Variants in ZNF44 observed in about 807,000 individuals in gnomAD.
The protein encoded by ZNF44 is zinc finger protein 44.
In ZNF44, 9 loss-of-function variants were observed where a neutral mutation model predicts 11.7. The observed-to-expected ratio is 0.77, with a 90% CI of 0.46 to 1.35. The LOEUF (loss-of-function observed/expected upper bound fraction) is 1.35. Among genes scored for constraint, ZNF44 ranks in the 40% most tolerant of loss-of-function variants. ZNF44 has a pLI of 0.00. For synonymous variants in ZNF44, 224 were observed against 242.7 expected (o/e 0.92, Z 0.72); for missense variants, 696 against 743.1 (o/e 0.94, Z 0.74).
chr19:12,250,869 G>T (rs1916963436), intron 5 of ZNF44: 1 of 453,858 alleles, frequency 2.2e-6, no homozygotes, highest in Non-Finnish European at 4.4e-6. Context: ...TGACCATATT[G>T]TCCTGAGGTA....
At chr19:12,255,660 C>A (rs1349983197) in intron 5 of ZNF44, among the ~76,000 whole-genome samples, 1 of 152,154 alleles carries the variant, frequency 6.6e-6, no homozygotes, top group Non-Finnish European at 1.5e-5. Context: ...ATGGGACTGG[C>A]ACATAGTGTG....
chr19:12,235,125 C>CCAA (rs1344090717), intron 1 of ZNF44, among the ~76,000 whole-genome samples: 1 of 152,102 alleles, frequency 6.6e-6, no homozygotes, highest in Non-Finnish European at 1.5e-5. Context: ...GCCTGTAATC[C>CCAA]CAACACTTTG....
intron 5 of ZNF44, among the ~76,000 whole-genome samples, chr19:12,251,466 C>A (rs1315470059): frequency 1.3e-5 from 2 of 151,938 alleles, no homozygotes; most frequent in African/African-American, 4.8e-5. Flanking sequence ...TTCTCTCCAC[C>A]CCAGAGAAGT....
downstream of ZNF44, chr19:12,247,567 C>T: frequency 7.4e-7 from 1 of 1,342,572 alleles, no homozygotes; most frequent in Non-Finnish European, 9.9e-7. Context: ...ATCTGGAAAC[C>T]TGCAAGAGTA....
At chr19:12,290,395 C>CAA (rs1173811759) in intron 1 of ZNF44, among the ~76,000 whole-genome samples, 1 of 93,968 alleles carries the variant, frequency 1.1e-5, no homozygotes, top group African/African-American at 4.0e-5. Flanking sequence ...CCGTCTTAAA[C>CAA]AAAAAAAAAA....
intron 1 of ZNF44, among the ~76,000 whole-genome samples, chr19:12,235,569 A>G (rs1916353709): frequency 1.3e-5 from 2 of 152,180 alleles, no homozygotes; most frequent in South Asian, 4.1e-4. Context: ...GTTCTCAACA[A>G]ATATTCACAA....
intron 7 of ZNF44, among the ~76,000 whole-genome samples, chr19:12,249,025 G>A (rs1414265551): frequency 1.3e-5 from 2 of 151,698 alleles, no homozygotes; most frequent in Non-Finnish European, 2.9e-5. Context: ...TGATTCTCCT[G>A]CCTCAGCCTC....
chr19:12,281,657 T>C lies in ZNF44; in HGVS notation c.4-5575A>G, dbSNP rs375809992. ...TGGTTCTTTGGAAACATCATTAAAA[T>C]TCATAAGCCCATAGCCAAGTTAACT... On this transcript the variant is annotated intron_variant, in intron 1 of 3. Coordinates refer to ENST00000355684, the MANE Select transcript of ZNF44 (RefSeq NM_016264.4). 2.8e-4 allele frequency among the ~76,000 whole-genome samples: 42 copies of C among 152,182 alleles called. 4 individuals carry two copies. The East Asian group carries it at 5.2e-3, about 19-fold the overall frequency.
intron 1 of ZNF44, among the ~76,000 whole-genome samples, chr19:12,289,309 A>C (rs1967902616): frequency 6.6e-6 from 1 of 152,222 alleles, no homozygotes; most frequent in East Asian, 1.9e-4. Flanking sequence ...GTGTCTCAAA[A>C]AAACAAACAA....
chr19:12,245,924 AAG>A (rs2077674825), downstream of ZNF44, among the ~76,000 whole-genome samples: 2 of 152,196 alleles, frequency 1.3e-5, no homozygotes, highest in South Asian at 4.1e-4. Flanking sequence ...CCTGACAATC[AAG>A]AGTTTCTTTA....
chr19:12,274,091 A>G, intron 3 of ZNF44, 28 bp from the exon 4 acceptor site: 1 of 1,536,006 alleles, frequency 6.5e-7, no homozygotes, highest in Non-Finnish European at 8.8e-7. Context: ...TACATTACTA[A>G]AGGTTTATTA....
chr19:12,244,845 A>G (rs1916725217), downstream of ZNF44, among the ~76,000 whole-genome samples: 1 of 152,072 alleles, frequency 6.6e-6, no homozygotes, highest in African/African-American at 2.4e-5. Flanking sequence ...CAATACAAAC[A>G]CCTCACTTTG....
At chr19:12,256,182 CTG>C (rs1228742595) in intron 5 of ZNF44, among the ~76,000 whole-genome samples, 1 of 151,784 alleles carries the variant, frequency 6.6e-6, no homozygotes, top group Non-Finnish European at 1.5e-5. Flanking sequence ...CACAGCATAA[CTG>C]GATTTAATTA....
intron 1 of ZNF44, among the ~76,000 whole-genome samples, chr19:12,291,679 G>A (rs1220514159): frequency 6.6e-6 from 1 of 151,748 alleles, no homozygotes; most frequent in East Asian, 1.9e-4. Flanking sequence ...GGGTGATAGA[G>A]GGAGACCATG....
intron 5 of ZNF44, among the ~76,000 whole-genome samples, chr19:12,265,581 C>T (rs1363574383): frequency 6.6e-6 from 1 of 152,170 alleles, no homozygotes; most frequent in Admixed American, 6.6e-5. Flanking sequence ...CAGTGCTGAT[C>T]CGCAACTATG....
exon 8 of ZNF44, chr19:12,248,004 A>G (rs759853474): frequency 1.5e-6 from 2 of 1,338,320 alleles, no homozygotes; most frequent in South Asian, 1.2e-5. Flanking sequence ...ATATACGAAC[A>G]CTTTCCCACA....
chr19:12,267,855 G>C (rs1446084417), downstream of ZNF44, among the ~76,000 whole-genome samples: 1 of 132,044 alleles, frequency 7.6e-6, no homozygotes. Context: ...TTTAATTTTT[G>C]AGACAGAGTC....
intron 2 of ZNF44, among the ~76,000 whole-genome samples, chr19:12,232,919 C>T (rs1916223620): frequency 6.6e-6 from 1 of 152,148 alleles, no homozygotes; most frequent in African/African-American, 2.4e-5. Flanking sequence ...CCCCTCCCCT[C>T]AAGAGCAATA....
downstream of ZNF44, among the ~76,000 whole-genome samples, chr19:12,267,380 CA>C (rs1291317808): frequency 6.6e-6 from 1 of 152,024 alleles, no homozygotes; most frequent in Non-Finnish European, 1.5e-5. Context: ...TAAAACACAC[CA>C]ACAAGGGAAT....
Sources: allele counts gnomAD v4.1 joint callset (sites outside exome capture counted in the v4.1 genomes callset), GRCh38; gene constraint gnomAD v4.1.1; transcripts MANE v1.5; gene names NCBI Gene and HGNC (gene_info 2026-07-23, HGNC 2026-07-21).